Variants in AOAH observed in about 807,000 individuals in gnomAD.
The protein encoded by AOAH is acyloxyacyl hydrolase.
AOAH carries 64 observed loss-of-function variants against 92.2 expected under a neutral mutation model. The observed-to-expected ratio is 0.69, with a 90% CI of 0.57 to 0.86. The LOEUF (loss-of-function observed/expected upper bound fraction) is 0.86, where lower values mean the gene tolerates loss of function less well. Ranked by LOEUF, AOAH falls within the 40% of genes least tolerant of loss-of-function variation. The pLI is 0.00. For synonymous variants in AOAH, 263 were observed against 254.5 expected (o/e 1.03, Z -0.32); for missense variants, 656 against 694.6 (o/e 0.94, Z 0.62).
At chr7:36,679,953 G>A (rs1239359992) in intron 2 of AOAH, among the ~76,000 whole-genome samples, 4 of 152,074 alleles carry the variant, frequency 2.6e-5, no homozygotes, top group East Asian at 1.9e-4. Context: ...CACCACAACC[G>A]GCCAACCACA....
chr7:36,541,227 A>G (rs1785403607), intron 15 of AOAH, among the ~76,000 whole-genome samples: 1 of 152,172 alleles, frequency 6.6e-6, no homozygotes, highest in Non-Finnish European at 1.5e-5. Flanking sequence ...GCATTTCACA[A>G]CAATTCCAGC....
intron 1 of AOAH, among the ~76,000 whole-genome samples, chr7:36,687,999 C>G (rs552193533): frequency 3.3e-5 from 5 of 152,192 alleles, no homozygotes; most frequent in Non-Finnish European, 5.9e-5. Context: ...TGTCCCCTCT[C>G]TCTGGACAAA....
chr7:36,610,159 C>CA (rs71553082), intron 11 of AOAH, among the ~76,000 whole-genome samples: 11,528 of 49,290 alleles, frequency 0.23, 1,586 homozygotes, highest in Non-Finnish European at 0.27. Flanking sequence ...TCCATAATAG[C>CA]AAAAAAAAAA....
chr7:36,568,953 G>C (rs536164070), intron 13 of AOAH, among the ~76,000 whole-genome samples: 2 of 152,284 alleles, frequency 1.3e-5, no homozygotes, highest in African/African-American at 4.8e-5. Flanking sequence ...TGAGGTTCCA[G>C]ACCAAAGGTG....
At chr7:36,661,478 T>G (rs1426089621) in intron 3 of AOAH, among the ~76,000 whole-genome samples, 2 of 152,162 alleles carry the variant, frequency 1.3e-5, no homozygotes, top group Non-Finnish European at 2.9e-5. Flanking sequence ...CTATTTTCAG[T>G]CTCTTTCAGA....
chr7:36,724,227 T>C lies in AOAH; in HGVS notation c.-79A>G. On this transcript the variant is annotated 5_prime_UTR_variant, in exon 1 of 21. Coordinates refer to ENST00000617537, the MANE Select transcript of AOAH (RefSeq NM_001637.4). Reference sequence around the variant, plus strand: ...GGATGCTGGAGCTGAGGCTGCAGAATCAATTGATCTCTCTCTCCTTCTCTT... The same window carrying C: ...GGATGCTGGAGCTGAGGCTGCAGAACCAATTGATCTCTCTCTCCTTCTCTT... The C allele has an allele frequency of 6.5e-7, 1 of 1,540,452 alleles. No homozygotes were observed. Among genetic ancestry groups the C allele is most frequent in the Non-Finnish European group, 8.9e-7 (1 of 1,121,858 alleles).
chr7:36,557,839 C>T (rs916234409), intron 13 of AOAH, among the ~76,000 whole-genome samples: 1 of 152,022 alleles, frequency 6.6e-6, no homozygotes, highest in African/African-American at 2.4e-5. Flanking sequence ...GCTCCATCAG[C>T]TCCTTTAAGC....
At chr7:36,690,428 G>C (rs1354837011) in intron 1 of AOAH, among the ~76,000 whole-genome samples, 1 of 152,144 alleles carries the variant, frequency 6.6e-6, no homozygotes, top group East Asian at 1.9e-4. Context: ...TCCCCTTCCA[G>C]TTGAATTGTT....
At position 36,568,048 on chromosome 7, in the gene AOAH, C is replaced by T. The variant is rs76929230; in HGVS notation, c.1021+8526G>A. On this transcript the variant is annotated intron_variant, in intron 13 of 20. Transcript: ENST00000617537. ...CACGTGTACACATGAGACCATCCTA[C>T]GATGTGTAACCCAAAGGGGCAGTTA... Among the ~76,000 whole-genome samples, 974 of 152,228 alleles carry T rather than the reference C, an allele frequency of 6.4e-3. 20 individuals carry two copies. The East Asian group carries it at 0.07, about 11-fold the overall frequency.
At chr7:36,558,138 G>A (rs1786928896) in intron 13 of AOAH, among the ~76,000 whole-genome samples, 1 of 152,058 alleles carries the variant, frequency 6.6e-6, no homozygotes, top group Non-Finnish European at 1.5e-5. Context: ...GGTCTTTGAT[G>A]ATGGTGATGT....
chr7:36,716,158 GGGCA>G (rs1799155612), intron 1 of AOAH, among the ~76,000 whole-genome samples: 1 of 152,148 alleles, frequency 6.6e-6, no homozygotes, highest in South Asian at 2.1e-4. Context: ...ATCAAAAAGT[GGGCA>G]AAGGATATGA....
intron 3 of AOAH, among the ~76,000 whole-genome samples, chr7:36,659,804 C>T (rs1294475689): frequency 3.8e-5 from 5 of 130,662 alleles, no homozygotes; most frequent in Non-Finnish European, 6.1e-5. Flanking sequence ...TGTCAGGCCT[C>T]TGAGCCGAAG....
intron 16 of AOAH, among the ~76,000 whole-genome samples, chr7:36,539,241 T>C (rs1266744468): frequency 6.6e-6 from 1 of 152,176 alleles, no homozygotes; most frequent in Admixed American, 6.5e-5. Context: ...AGAAGGTGCT[T>C]GGACTGCCAG....
intron 2 of AOAH, among the ~76,000 whole-genome samples, chr7:36,675,041 G>A (rs535300221): frequency 1.5e-3 from 222 of 152,318 alleles, no homozygotes; most frequent in East Asian, 0.014. Flanking sequence ...GATCGCCTGC[G>A]GTCAGGAGTT....
intron 1 of AOAH, among the ~76,000 whole-genome samples, chr7:36,698,753 A>G (rs140316249): frequency 6.6e-6 from 1 of 152,310 alleles, no homozygotes; most frequent in African/African-American, 2.4e-5. Flanking sequence ...TTAAAGATAA[A>G]TCAGTGTAAT....
chr7:36,652,592 C>A (rs4723550), intron 4 of AOAH, among the ~76,000 whole-genome samples: 46,426 of 151,984 alleles, frequency 0.31, 7,399 homozygotes, highest in South Asian at 0.44. Flanking sequence ...ACCCTTTCAC[C>A]GAGTGATGAA....
At chr7:36,529,000 A>G (rs193234498) in intron 19 of AOAH, among the ~76,000 whole-genome samples, 49 of 152,320 alleles carry the variant, frequency 3.2e-4, no homozygotes, top group African/African-American at 1.0e-3. Context: ...GATTTTGCTT[A>G]TCCAAAAGCA....
intron 5 of AOAH, among the ~76,000 whole-genome samples, chr7:36,634,662 T>TACAG (rs1282368024): frequency 6.6e-6 from 1 of 152,202 alleles, no homozygotes; most frequent in East Asian, 1.9e-4. Flanking sequence ...ACTTCGGAAA[T>TACAG]ACAGACACTA....
At chr7:36,600,764 T>G (rs568582318) in intron 11 of AOAH, among the ~76,000 whole-genome samples, 2 of 152,160 alleles carry the variant, frequency 1.3e-5, no homozygotes, top group African/African-American at 4.8e-5. Flanking sequence ...CTGGGCTAGA[T>G]AGTCCTTGAA....
Sources: allele counts gnomAD v4.1 joint callset (sites outside exome capture counted in the v4.1 genomes callset), GRCh38; gene constraint gnomAD v4.1.1; transcripts MANE v1.5; gene names NCBI Gene and HGNC (gene_info 2026-07-23, HGNC 2026-07-21).